The following RFX3 variants were observed in gnomAD, a reference collection of about 807,000 sequenced individuals.
RFX3 encodes the protein regulatory factor X3.
In RFX3, 14 loss-of-function variants were observed where a neutral mutation model predicts 98.6. That is an observed-to-expected ratio of 0.14 (90% CI 0.09 to 0.22). RFX3 has a LOEUF of 0.22. Ranked by LOEUF, RFX3 falls within the 10% of genes least tolerant of loss-of-function variation. The pLI, the probability that RFX3 is intolerant of heterozygous loss-of-function variation, is 1.00. For missense variants in RFX3, 639 were observed against 926.9 expected, an observed-to-expected ratio of 0.69 and a Z score of 4.03; for synonymous variants, 383 against 328.4, an observed-to-expected ratio of 1.17 and a Z score of -1.80.
At chr9:3,329,660 G>A (rs1832362289) in intron 4 of RFX3, among the ~76,000 whole-genome samples, 2 of 151,958 alleles carry the variant, frequency 1.3e-5, no homozygotes, top group African/African-American at 4.8e-5. Flanking sequence ...TTTAAATATT[G>A]ATTTCAATAT....
chr9:3,502,424 ACAT>A (rs2133674964), intron 1 of RFX3, among the ~76,000 whole-genome samples: 1 of 152,308 alleles, frequency 6.6e-6, no homozygotes, highest in African/African-American at 2.4e-5. Flanking sequence ...AATTTCAGCC[ACAT>A]CATATTATGA....
chr9:3,307,311 C>T (rs1191531934), intron 4 of RFX3, among the ~76,000 whole-genome samples: 1 of 152,026 alleles, frequency 6.6e-6, no homozygotes, highest in African/African-American at 2.4e-5. Context: ...AACTTTGTGG[C>T]TAGGAGTGTT....
intron 1 of RFX3, among the ~76,000 whole-genome samples, chr9:3,478,607 C>A (rs573698754): frequency 6.6e-6 from 1 of 152,220 alleles, no homozygotes; most frequent in South Asian, 2.1e-4. Flanking sequence ...AGGAAGCTTA[C>A]AAATAGCACT....
At chr9:3,258,751 T>C (rs1822469049) in intron 13 of RFX3, among the ~76,000 whole-genome samples, 1 of 151,958 alleles carries the variant, frequency 6.6e-6, no homozygotes, top group African/African-American at 2.4e-5. Context: ...TATTGATGTA[T>C]GTACCTTTCA....
intron 9 of RFX3, among the ~76,000 whole-genome samples, chr9:3,273,673 G>C (rs1256043478): frequency 6.6e-6 from 1 of 151,976 alleles, no homozygotes; most frequent in Admixed American, 6.6e-5. Flanking sequence ...AAACCAGCCT[G>C]GCCAACACAG....
At chr9:3,482,571 A>C (rs1177973011) in intron 1 of RFX3, among the ~76,000 whole-genome samples, 1 of 152,248 alleles carries the variant, frequency 6.6e-6, no homozygotes, top group East Asian at 1.9e-4. Flanking sequence ...TGAACTTTGA[A>C]TGTTAATTAC....
chr9:3,514,796 G>A (rs1817992787), intron 1 of RFX3, among the ~76,000 whole-genome samples: 1 of 152,156 alleles, frequency 6.6e-6, no homozygotes, highest in Non-Finnish European at 1.5e-5. Flanking sequence ...ATGAAACAAA[G>A]AATCTAAATT....
At chr9:3,256,063 T>C (rs1273136754) in intron 14 of RFX3, among the ~76,000 whole-genome samples, 1 of 152,120 alleles carries the variant, frequency 6.6e-6, no homozygotes, top group African/African-American at 2.4e-5. Context: ...GCCTTCCGGG[T>C]TCACGCCATT....
rs575790179 is a variant in RFX3, at chr9:3,356,735, A to G, written c.118-9971T>C. Among the ~76,000 whole-genome samples the G allele has an allele frequency of 2.0e-4, 31 of 152,168 alleles. 1 individual carries two copies. The South Asian group carries it at 5.8e-3, about 28-fold the overall frequency. ...TAAATGCAAAAATCTTTAACAAAATATAAGTAGATCTAATCTAATAATATA... is the reference window on the plus strand; with the variant it reads ...TAAATGCAAAAATCTTTAACAAAATGTAAGTAGATCTAATCTAATAATATA... On this transcript the variant is annotated intron_variant, in intron 2 of 16. Transcript: ENST00000617270.
At chr9:3,442,776 A>ATT (rs1845714759) in intron 1 of RFX3, among the ~76,000 whole-genome samples, 1 of 152,228 alleles carries the variant, frequency 6.6e-6, no homozygotes, top group African/African-American at 2.4e-5. Context: ...CTAAGTGTAA[A>ATT]ACATAAAGCT....
chr9:3,231,416 C>T (rs912131803), intron 15 of RFX3, among the ~76,000 whole-genome samples: 1 of 152,094 alleles, frequency 6.6e-6, no homozygotes, highest in Admixed American at 6.6e-5. Flanking sequence ...CTCATTTAGT[C>T]AATACATATT....
chr9:3,264,535 T>C (rs1823364950), intron 12 of RFX3, among the ~76,000 whole-genome samples: 1 of 152,156 alleles, frequency 6.6e-6, no homozygotes, highest in Non-Finnish European at 1.5e-5. Context: ...ATCCAGTATA[T>C]ACTATGTGCC....
chr9:3,477,071 ATAATTTTTGTTC>A (rs1230566173), intron 1 of RFX3, among the ~76,000 whole-genome samples: 2 of 152,110 alleles, frequency 1.3e-5, no homozygotes, highest in Non-Finnish European at 2.9e-5. Flanking sequence ...TATTTTCAGT[ATAATTTTTGTTC>A]TAATTTTTGT....
chr9:3,402,118 T>C (rs913105053), intron 1 of RFX3, among the ~76,000 whole-genome samples: 3 of 152,208 alleles, frequency 2.0e-5, no homozygotes, highest in African/African-American at 7.2e-5. Context: ...ATTAATAGTC[T>C]GACCTAATCA....
intron 1 of RFX3, among the ~76,000 whole-genome samples, chr9:3,522,124 C>G (rs938269706): frequency 6.6e-6 from 1 of 151,798 alleles, no homozygotes; most frequent in African/African-American, 2.4e-5. Flanking sequence ...CTGCTTTAGA[C>G]AGCCCTTTTG....
chr9:3,511,077 T>C (rs371464002), intron 1 of RFX3, among the ~76,000 whole-genome samples: 1 of 152,016 alleles, frequency 6.6e-6, no homozygotes, highest in African/African-American at 2.4e-5. Flanking sequence ...TATTAAGTCA[T>C]ACACAATTCC....
In RFX3 at chr9:3,505,311, T is replaced by TAAA. The variant is rs1564187176; in HGVS notation, c.-9+20435_-9+20436insTTT. ...TTTTATATTTATATATATATAAATA[T>TAAA]ATATTAATGTATATTTATATTTTAT... On this transcript the variant is annotated intron_variant, in intron 1 of 16. Transcript: ENST00000617270. Among the ~76,000 whole-genome samples the TAAA allele has an allele frequency of 3.5e-4, 27 of 76,246 alleles. 3 individuals carry two copies. The highest frequency in any genetic ancestry group is 2.1e-3 in the East Asian group (2 of 960). 50.0% of individuals were successfully genotyped at this position (76,246 alleles called of 152,430 possible).
intron 4 of RFX3, among the ~76,000 whole-genome samples, chr9:3,313,770 T>C (rs1020315479): frequency 6.6e-6 from 1 of 152,146 alleles, no homozygotes; most frequent in Non-Finnish European, 1.5e-5. Context: ...AGAAAGGGTA[T>C]CAGTGACTGA....
intron 2 of RFX3, among the ~76,000 whole-genome samples, chr9:3,394,307 C>G (rs963874122): frequency 1.3e-5 from 2 of 151,906 alleles, no homozygotes; most frequent in African/African-American, 4.8e-5. Flanking sequence ...ACTAAAAATA[C>G]AAAAAATTAG....
Sources: gnomAD v4.1 joint callset for allele counts (sites outside exome capture counted in the v4.1 genomes callset) on GRCh38, gnomAD v4.1.1 for gene constraint, MANE v1.5 for transcripts, NCBI Gene and HGNC (gene_info 2026-07-23, HGNC 2026-07-21) for gene names.